RBFOX1: variants seen among roughly 807,000 people sequenced by gnomAD.
The protein encoded by RBFOX1 is RNA binding protein fox-1 homolog 1.
A neutral mutation model predicts 57.7 loss-of-function variants in RBFOX1; 8 were observed. The ratio of observed to expected loss-of-function variants is 0.14; its 90% CI spans 0.08 to 0.25. The LOEUF (loss-of-function observed/expected upper bound fraction) is 0.25, where lower values mean the gene tolerates loss of function less well. Ranked by LOEUF, RBFOX1 falls within the 10% of genes least tolerant of loss-of-function variation. The probability of loss-of-function intolerance (pLI) is 1.00; values close to 1 mark genes in which losing one functional copy is unlikely to be tolerated. For missense variants in RBFOX1, 611 were observed against 548.5 expected (o/e 1.11, Z -1.14); for synonymous variants, 326 against 222.4 (o/e 1.47, Z -4.15).
chr16:5,772,177 A>G (rs564936350), intron 3 of RBFOX1, among the ~76,000 whole-genome samples: 2 of 152,296 alleles, frequency 1.3e-5, no homozygotes, highest in South Asian at 2.1e-4. Flanking sequence ...GTCTAAATAA[A>G]TAAAAAACAG....
At chr16:6,466,229 C>CAA (rs201275514) in intron 2 of RBFOX1, among the ~76,000 whole-genome samples, 25 of 127,870 alleles carry the variant, frequency 2.0e-4, no homozygotes, top group South Asian at 2.6e-4. Flanking sequence ...AACTCTATCT[C>CAA]AAAAAAAAAA....
In RBFOX1 at chr16:5,821,192, G is replaced by T. The variant is rs529083707; in HGVS notation, c.319-46111G>T. Among the ~76,000 whole-genome samples the T allele has an allele frequency of 1.1e-3, 156 of 142,272 alleles. 1 individual carries two copies. Among genetic ancestry groups the T allele is most frequent in the African/African-American group, 3.5e-3 (136 of 38,864 alleles). 93.3% of individuals were successfully genotyped at this position (142,272 alleles called of 152,430 possible). ...CCTCGTCTGGCCTGGGAGATAACAT[G>T]GGGGGCTGCCTCAGATGCTGAAGCC... On this transcript the variant is annotated intron_variant, in intron 3 of 19. Transcript: ENST00000641259.
intron 3 of RBFOX1, among the ~76,000 whole-genome samples, chr16:5,700,071 A>T (rs944975718): frequency 1.2e-4 from 18 of 152,138 alleles, no homozygotes; most frequent in African/African-American, 4.3e-4. Flanking sequence ...TGACCTCATG[A>T]TCTGCCCGCC....
intron 4 of RBFOX1, among the ~76,000 whole-genome samples, chr16:7,107,007 A>ACACACACACACACT (rs1491013878): frequency 1.3e-5 from 2 of 151,436 alleles, no homozygotes; most frequent in African/African-American, 4.9e-5. Flanking sequence ...ACACACACAC[A>ACACACACACACACT]CTAAATGAAC....
chr16:6,701,645 T>C (rs911902563), intron 3 of RBFOX1, among the ~76,000 whole-genome samples: 1 of 152,112 alleles, frequency 6.6e-6, no homozygotes, highest in South Asian at 2.1e-4. Flanking sequence ...AAGGCGTACG[T>C]ACACCTGTGT....
chr16:7,034,344 G>A (rs34712974), intron 3 of RBFOX1, among the ~76,000 whole-genome samples: 66,599 of 151,918 alleles, frequency 0.44, 17,849 homozygotes, highest in South Asian at 0.62. Context: ...ATCATGCCTG[G>A]TAATGACCAG....
intron 3 of RBFOX1, among the ~76,000 whole-genome samples, chr16:6,853,354 T>C (rs534363570): frequency 6.6e-6 from 1 of 152,306 alleles, no homozygotes; most frequent in South Asian, 2.1e-4. Context: ...CTGTGCATTG[T>C]AGCATACCCT....
At chr16:5,352,098 G>A (rs992685574) in intron 1 of RBFOX1, among the ~76,000 whole-genome samples, 5 of 152,040 alleles carry the variant, frequency 3.3e-5, no homozygotes, top group South Asian at 4.2e-4. Context: ...GAGCCACTGC[G>A]CCCAACCAGT....
rs868850839 is a variant in RBFOX1 at position 7,613,174 on chromosome 16, G to T, written c.676+5836G>T. On this transcript the variant is annotated intron_variant, in intron 10 of 15. Transcript: ENST00000550418. Reference sequence around the variant, plus strand: ...GAAGAAAACAAAAACCACCCCTAGGGATATTTATTATTAGTGGAATTTGGG... The same window carrying T: ...GAAGAAAACAAAAACCACCCCTAGGTATATTTATTATTAGTGGAATTTGGG... 2.0e-5 allele frequency among the ~76,000 whole-genome samples: 3 copies of T among 152,246 alleles called. No homozygotes were observed. The Middle Eastern group carries it at 0.01, about 518-fold the overall frequency.
chr16:7,252,080 C>T (rs1374734880), intron 4 of RBFOX1, among the ~76,000 whole-genome samples: 7 of 152,182 alleles, frequency 4.6e-5, no homozygotes, highest in Non-Finnish European at 8.8e-5. Context: ...AACATGGTTA[C>T]TGAATTTGAA....
chr16:6,803,375 T>G (rs1035004637), intron 3 of RBFOX1, among the ~76,000 whole-genome samples: 5 of 152,066 alleles, frequency 3.3e-5, no homozygotes, highest in African/African-American at 1.2e-4. Flanking sequence ...AGAAGAACAA[T>G]CTGCAGGCAC....
At chr16:5,912,991 G>A (rs999972837) in intron 4 of RBFOX1, among the ~76,000 whole-genome samples, 1 of 152,152 alleles carries the variant, frequency 6.6e-6, no homozygotes, top group African/African-American at 2.4e-5. Context: ...CAGGATAAAA[G>A]TTCTCTTCTT....
In RBFOX1 at chr16:7,597,367, A is replaced by G; in HGVS notation, c.562-4A>G. On this transcript the variant is annotated splice_polypyrimidine_tract_variant and splice_region_variant and intron_variant, in intron 8 of 15. Coordinates refer to ENST00000550418, the MANE Select transcript of RBFOX1 (RefSeq NM_018723.4). ...GTGCTTACTTGAGTTTTCTATGTAC[A>G]TAGGTAAATAATGCCACAGCACGTG... is the stretch of plus-strand genomic sequence containing the variant. 6.2e-7 allele frequency: 1 copy of G among 1,607,056 alleles called. No individual in the cohort carries two copies. Among genetic ancestry groups the G allele is most frequent in the South Asian group, 1.1e-5 (1 of 90,296 alleles).
At chr16:5,506,330 G>C (rs1198286157) in intron 2 of RBFOX1, among the ~76,000 whole-genome samples, 1 of 152,204 alleles carries the variant, frequency 6.6e-6, no homozygotes, top group Admixed American at 6.5e-5. Flanking sequence ...GTCGCGGATA[G>C]CTCCTCACAG....
intron 4 of RBFOX1, among the ~76,000 whole-genome samples, chr16:7,320,793 G>A (rs1424699361): frequency 6.6e-6 from 1 of 152,218 alleles, no homozygotes; most frequent in South Asian, 2.1e-4. Flanking sequence ...AATATTTTAA[G>A]TATGTGGTTA....
At chr16:6,765,075 A>G (rs910195875) in intron 3 of RBFOX1, among the ~76,000 whole-genome samples, 1 of 152,182 alleles carries the variant, frequency 6.6e-6, no homozygotes, top group Non-Finnish European at 1.5e-5. Context: ...CTAAAGTCCT[A>G]AAGAATGCGA....
intron 3 of RBFOX1, among the ~76,000 whole-genome samples, chr16:6,681,611 A>G (rs1196502173): frequency 6.6e-6 from 1 of 152,158 alleles, no homozygotes; most frequent in Non-Finnish European, 1.5e-5. Context: ...AGCCGTAAAC[A>G]AAGAAATAAG....
At chr16:6,763,077 G>C (rs2076854352) in intron 3 of RBFOX1, among the ~76,000 whole-genome samples, 1 of 152,174 alleles carries the variant, frequency 6.6e-6, no homozygotes, top group Non-Finnish European at 1.5e-5. Flanking sequence ...TATCAGGACT[G>C]TATTACGAGA....
chr16:7,396,118 G>A (rs878926974), intron 4 of RBFOX1, among the ~76,000 whole-genome samples: 1 of 152,038 alleles, frequency 6.6e-6, no homozygotes, highest in African/African-American at 2.4e-5. Context: ...GGGATTGAGG[G>A]CTGTTCTTTT....
Sources: gnomAD v4.1 joint callset for allele counts (sites outside exome capture counted in the v4.1 genomes callset) on GRCh38, gnomAD v4.1.1 for gene constraint, MANE v1.5 for transcripts, NCBI Gene and HGNC (gene_info 2026-07-23, HGNC 2026-07-21) for gene names.